The following TMEM119 variants were observed in gnomAD, a reference collection of about 807,000 sequenced individuals.
The protein encoded by TMEM119 is transmembrane protein 119.
For synonymous variants in TMEM119, 182 were observed against 176.4 expected, an observed-to-expected ratio of 1.03 and a Z score of -0.25; for missense variants, 410 against 381.0, an observed-to-expected ratio of 1.08 and a Z score of -0.63.
At position 108,591,862 on chromosome 12, in the gene TMEM119, G is replaced by T. The variant is rs759836481; in HGVS notation, c.522C>A (p.Ala174=). ...EALDSSRQLQ[A]DILAATQNLK... The stretch of plus-strand genomic sequence containing the variant: ...GGTTCTGGGTGGCGGCCAAGATGTC[G>T]GCCTGGAGCTGCCGGGAGGAATCCA... Residue 174 remains alanine (A), a synonymous_variant, in exon 2 of 2, where the codon GCC becomes GCA. Transcript: ENST00000392806. This position sits in a 1 kb window ranked among gnomAD's most constrained non-coding sequence, Gnocchi z 4.2. The T allele has an allele frequency of 8.1e-5, 130 of 1,606,412 alleles. No homozygotes were observed. The highest frequency in any genetic ancestry group is 1.7e-4 in the Middle Eastern group (1 of 6,044).
Position 108,592,375 on chromosome 12 carries a change from C to G in TMEM119, c.9G>C (p.Ser3=), listed in dbSNP as rs75619905. The G allele has an allele frequency of 1.3e-6, 2 of 1,556,190 alleles. No individual in the cohort carries two copies. Among genetic ancestry groups the G allele is most frequent in the South Asian group, 1.2e-5 (1 of 85,878 alleles). ...GGATGAGGAGGCTGGGGGCTGCCGCCGAAACCATGGTGCCCCCAGGACCTG... is the reference window on the plus strand; with the variant it reads ...GGATGAGGAGGCTGGGGGCTGCCGCGGAAACCATGGTGCCCCCAGGACCTG... MV[S]AAAPSLLILL... Residue 3 remains serine (S), a synonymous_variant, in exon 2 of 2, where the codon TCG becomes TCC. Transcript: ENST00000392806. The surrounding 1 kb of genome is among the most constrained non-coding windows in gnomAD (Gnocchi z 4.3).
chr12:108,591,700 T>C lies in TMEM119; in HGVS notation c.684A>G (p.Thr228=). 2 of 1,613,406 alleles carry C rather than the reference T, an allele frequency of 1.2e-6. No individual in the cohort carries two copies. Among genetic ancestry groups the C allele is most frequent in the Non-Finnish European group, 1.7e-6 (2 of 1,179,694 alleles). Residue 228 remains threonine, a synonymous_variant, in exon 2 of 2, where the codon ACA becomes ACG. Coordinates refer to ENST00000392806, the MANE Select transcript of TMEM119 (RefSeq NM_181724.3). The surrounding 1 kb of genome is among the most constrained non-coding windows in gnomAD (Gnocchi z 4.2). ...EVQGHGVPVE[T]PEAQEEPCSG... ...AGCACGGCTCCTCCTGCGCCTCTGGTGTCTCCACTGGGACCCCATGTCCCT... is the reference window on the plus strand; with the variant it reads ...AGCACGGCTCCTCCTGCGCCTCTGGCGTCTCCACTGGGACCCCATGTCCCT...
intron 1 of TMEM119, among the ~76,000 whole-genome samples, chr12:108,593,121 G>A (rs569539400): frequency 1.1e-3 from 171 of 152,180 alleles, no homozygotes; most frequent in Middle Eastern, 3.4e-3. Flanking sequence ...CAAACCTTCC[G>A]CCAGCCCAGC....
At chr12:108,593,994 G>A (rs2031462747) in intron 1 of TMEM119, among the ~76,000 whole-genome samples, 2 of 152,212 alleles carry the variant, frequency 1.3e-5, no homozygotes, top group African/African-American at 4.8e-5. Context: ...GAACTGAGGT[G>A]GAGAGACAGA....
At position 108,592,375 on chromosome 12, in the gene TMEM119, C is replaced by T. The variant is rs75619905; in HGVS notation, c.9G>A (p.Ser3=). The change falls in exon 2 of 2, where the codon TCG becomes TCA. Residue 3 remains serine (S), a synonymous_variant. Coordinates refer to ENST00000392806, the MANE Select transcript of TMEM119 (RefSeq NM_181724.3). This position sits in a 1 kb window ranked among gnomAD's most constrained non-coding sequence, Gnocchi z 4.3. ...GGATGAGGAGGCTGGGGGCTGCCGC[C>T]GAAACCATGGTGCCCCCAGGACCTG... is the stretch of plus-strand genomic sequence containing the variant. MV[S]AAAPSLLILL... is the part of the protein sequence containing the mutation. 9.0e-3 allele frequency: 14,043 copies of T among 1,556,180 alleles called. 1,001 individuals carry two copies. In the African/African-American group the frequency reaches 0.16, roughly 18 times the overall value.
intron 1 of TMEM119, among the ~76,000 whole-genome samples, chr12:108,593,660 G>A (rs960333590): frequency 4.6e-5 from 7 of 152,324 alleles, no homozygotes; most frequent in Admixed American, 3.3e-4. Context: ...CACTAGATGG[G>A]AACCAGATGA....
At chr12:108,594,708 G>A (rs577923685) in intron 1 of TMEM119, among the ~76,000 whole-genome samples, 46 of 152,138 alleles carry the variant, frequency 3.0e-4, no homozygotes, top group African/African-American at 1.1e-3. Context: ...TTGGGAGGCC[G>A]AGGCCGGAGG....
chr12:108,596,540 A>G (rs1465409713), intron 1 of TMEM119, among the ~76,000 whole-genome samples: 1 of 152,052 alleles, frequency 6.6e-6, no homozygotes, highest in Non-Finnish European at 1.5e-5. Context: ...AGTCCCCTGC[A>G]CCCCACAACC....
Position 108,592,799 on chromosome 12 carries a change from G to A in TMEM119, c.-14-402C>T, listed in dbSNP as rs2031437625. On this transcript the variant is annotated intron_variant, in intron 1 of 1. Coordinates refer to ENST00000392806, the MANE Select transcript of TMEM119 (RefSeq NM_181724.3). This position sits in a 1 kb window ranked among gnomAD's most constrained non-coding sequence, Gnocchi z 4.3. ...TGAATCCTGATCACTGCCCAGTGTGGGAAGTTCTATGATTAGGCCCATTTT... is the reference window on the plus strand; with the variant it reads ...TGAATCCTGATCACTGCCCAGTGTGAGAAGTTCTATGATTAGGCCCATTTT... 6.6e-6 allele frequency among the ~76,000 whole-genome samples: 1 copy of A among 152,144 alleles called. No individual in the cohort carries two copies. The highest frequency in any genetic ancestry group is 2.4e-5 in the African/African-American group (1 of 41,428).
At position 108,592,896 on chromosome 12, in the gene TMEM119, G is replaced by A. The variant is rs2031442218; in HGVS notation, c.-14-499C>T. On this transcript the variant is annotated intron_variant, in intron 1 of 1. Coordinates refer to ENST00000392806, the MANE Select transcript of TMEM119 (RefSeq NM_181724.3). The surrounding 1 kb of genome is among the most constrained non-coding windows in gnomAD (Gnocchi z 4.3). ...GAAGAGCTGGGTCTGGATCCAAGCA[G>A]AGAGGGAGAAATGATAGTAGGGCTG... Among the ~76,000 whole-genome samples the A allele has an allele frequency of 6.6e-6, 1 of 151,956 alleles. No homozygotes were observed. Among genetic ancestry groups the A allele is most frequent in the Non-Finnish European group, 1.5e-5 (1 of 67,994 alleles).
Position 108,592,080 on chromosome 12 carries a change from C to A in TMEM119, c.304G>T (p.Gly102Cys). The A allele has an allele frequency of 6.2e-7, 1 of 1,614,190 alleles. No individual in the cohort carries two copies. Among genetic ancestry groups the A allele is most frequent in the Non-Finnish European group, 8.5e-7 (1 of 1,180,022 alleles). The change falls in exon 2 of 2, where the codon GGC becomes TGC. Residue 102 changes from glycine to cysteine, a missense_variant. Coordinates refer to ENST00000392806, the MANE Select transcript of TMEM119 (RefSeq NM_181724.3). The surrounding 1 kb of genome is among the most constrained non-coding windows in gnomAD (Gnocchi z 4.3). ...RQYVMLIAVV[G>C]SLAFLLMFIV... Reference sequence around the variant, plus strand: ...AACATCAGCAGAAAGGCCAGGGAGCCCACCACAGCAATCAGCATCACGTAC... The same window carrying A: ...AACATCAGCAGAAAGGCCAGGGAGCACACCACAGCAATCAGCATCACGTAC...
At chr12:108,597,058 C>A (rs2031515419) in intron 1 of TMEM119, among the ~76,000 whole-genome samples, 1 of 152,220 alleles carries the variant, frequency 6.6e-6, no homozygotes, top group Non-Finnish European at 1.5e-5. Context: ...CAAGATGCGG[C>A]CATGCCTGGT....
chr12:108,592,454 A>G lies in TMEM119; in HGVS notation c.-14-57T>C, dbSNP rs1030189683. ...GCGGAACTCTAGAGTGTCAGGATTC[A>G]GAAACAGGCTCACCAGCCCCCAGGA... On this transcript the variant is annotated intron_variant, in intron 1 of 1. Coordinates refer to ENST00000392806, the MANE Select transcript of TMEM119 (RefSeq NM_181724.3). The surrounding 1 kb of genome is among the most constrained non-coding windows in gnomAD (Gnocchi z 4.3). 5.4e-6 allele frequency: 8 copies of G among 1,479,764 alleles called. No individual in the cohort carries two copies. The highest frequency in any genetic ancestry group is 7.1e-6 in the Non-Finnish European group (8 of 1,119,492). 91.7% of individuals were successfully genotyped at this position (1,479,764 alleles called of 1,614,324 possible).
intron 1 of TMEM119, among the ~76,000 whole-genome samples, chr12:108,595,706 C>T (rs904200989): frequency 6.6e-6 from 1 of 152,104 alleles, no homozygotes; most frequent in Non-Finnish European, 1.5e-5. Flanking sequence ...ACACACCACA[C>T]ACTCTGAGCC....
At position 108,592,846 on chromosome 12, in the gene TMEM119, G is replaced by A. The variant is rs959150366; in HGVS notation, c.-14-449C>T. ...TTTTGCAGATGAAAAAACAGAGGCT[G>A]AGAGGGACGTGGTGACTTGCCAGGG... On this transcript the variant is annotated intron_variant, in intron 1 of 1. Coordinates refer to ENST00000392806, the MANE Select transcript of TMEM119 (RefSeq NM_181724.3). This position sits in a 1 kb window ranked among gnomAD's most constrained non-coding sequence, Gnocchi z 4.3. 6.6e-6 allele frequency among the ~76,000 whole-genome samples: 1 copy of A among 152,148 alleles called. No homozygotes were observed. Among genetic ancestry groups the A allele is most frequent in the Non-Finnish European group, 1.5e-5 (1 of 68,030 alleles).
chr12:108,592,591 C>T lies in TMEM119; in HGVS notation c.-14-194G>A, dbSNP rs1011514572. Among the ~76,000 whole-genome samples, 13 of 152,148 alleles carry T rather than the reference C, an allele frequency of 8.5e-5. No homozygotes were observed. Among genetic ancestry groups the T allele is most frequent in the African/African-American group, 4.8e-5 (2 of 41,418 alleles). On this transcript the variant is annotated intron_variant, in intron 1 of 1. Coordinates refer to ENST00000392806, the MANE Select transcript of TMEM119 (RefSeq NM_181724.3). This position sits in a 1 kb window ranked among gnomAD's most constrained non-coding sequence, Gnocchi z 4.3. ...TGCTCCCCCACTTCTCTGGAGGTCC[C>T]GGAGGTCAGGGGCTGAATCTTATTC...
At position 108,592,157 on chromosome 12, in the gene TMEM119, C is replaced by G; in HGVS notation, c.227G>C (p.Gly76Ala). Residue 76 changes from glycine (G) to alanine (A), a missense_variant, in exon 2 of 2, where the codon GGC (glycine) becomes GCC (alanine). Coordinates refer to ENST00000392806, the MANE Select transcript of TMEM119 (RefSeq NM_181724.3). This position sits in a 1 kb window ranked among gnomAD's most constrained non-coding sequence, Gnocchi z 4.3. ...CAGGAAGTTGGTGGGGGGTGATGGGCCCCCCAGGGTTATGGGCTGGGGCCC... is the reference window on the plus strand; with the variant it reads ...CAGGAAGTTGGTGGGGGGTGATGGGGCCCCCAGGGTTATGGGCTGGGGCCC... The part of the protein sequence containing the change: ...SMGPQPITLG[G>A]PSPPTNFLDG... The G allele has an allele frequency of 2.5e-6, 4 of 1,614,010 alleles. No homozygotes were observed. Among genetic ancestry groups the G allele is most frequent in the Non-Finnish European group, 3.4e-6 (4 of 1,179,974 alleles).
chr12:108,595,475 C>T (rs1355212692), intron 1 of TMEM119, among the ~76,000 whole-genome samples: 4 of 150,896 alleles, frequency 2.7e-5, no homozygotes, highest in Non-Finnish European at 5.9e-5. Flanking sequence ...CACATGCACA[C>T]ACACCCCACA....
rs73191224 is a variant in TMEM119, at chr12:108,592,009, C to T, written c.375G>A (p.Ser125=). The change falls in exon 2 of 2, where the codon TCG becomes TCA. Residue 125 remains serine (S), a synonymous_variant. Transcript: ENST00000392806. This position sits in a 1 kb window ranked among gnomAD's most constrained non-coding sequence, Gnocchi z 4.3. ...AVITRQKQKA[S]AYYPSSFPKK... Reference sequence around the variant, plus strand: ...TGGGGAAGGACGATGGGTAATAGGCCGAGGCCTTCTGCTTCTGCCGGGTGA... The same window carrying T: ...TGGGGAAGGACGATGGGTAATAGGCTGAGGCCTTCTGCTTCTGCCGGGTGA... 95,828 of 1,613,796 alleles carry T rather than the reference C, an allele frequency of 0.059. 3,206 individuals carry two copies. Among genetic ancestry groups the T allele is most frequent in the East Asian group, 0.13 (5,640 of 44,836 alleles).
Sources: allele counts gnomAD v4.1 joint callset (sites outside exome capture counted in the v4.1 genomes callset), GRCh38; gene constraint gnomAD v4.1.1; non-coding constraint Gnocchi (gnomAD v3.1); transcripts MANE v1.5; gene names NCBI Gene and HGNC (gene_info 2026-07-23, HGNC 2026-07-21).